The following PTK2 variants were observed in gnomAD, a reference collection of about 807,000 sequenced individuals.
PTK2 encodes the protein protein tyrosine kinase 2.
Under a neutral mutation model 150.1 loss-of-function variants are expected in PTK2, and 45 were observed. The ratio of observed to expected loss-of-function variants is 0.30; its 90% confidence interval spans 0.24 to 0.38. PTK2 has a LOEUF of 0.38. PTK2 is among the 10% of genes least tolerant of loss of function. The probability of loss-of-function intolerance (pLI) is 1.00; values close to 1 mark genes in which losing one functional copy is unlikely to be tolerated. For missense variants in PTK2, 919 were observed against 1,307.3 expected (o/e 0.70, Z 4.58); for synonymous variants, 432 against 449.2 (o/e 0.96, Z 0.48).
rs1021188147 is a variant in PTK2, at chr8:140,746,680, T to C, written c.1518+80A>G. On this transcript the variant is annotated intron_variant, in intron 18 of 31. Coordinates refer to ENST00000522684, the Ensembl canonical transcript of PTK2. ...AGAACTCTCCTGAAAATCCAAGATA[T>C]AAACTGTTTATATTTTCCTTTCTTA... 9 of 1,071,526 alleles carry C rather than the reference T, an allele frequency of 8.4e-6. No homozygotes were observed. The African/African-American group carries it at 1.5e-4, about 17-fold the overall frequency. 66.4% of individuals were successfully genotyped at this position (1,071,526 alleles called of 1,614,324 possible).
chr8:140,722,938 T>A (rs1471474806), intron 22 of PTK2, among the ~76,000 whole-genome samples: 2 of 152,194 alleles, frequency 1.3e-5, no homozygotes, highest in African/African-American at 4.8e-5. Context: ...TGGGTTCTCA[T>A]CAGGCAATGT....
intron 8 of PTK2, among the ~76,000 whole-genome samples, chr8:140,827,710 G>GT (rs1453345972): frequency 3.9e-5 from 6 of 152,106 alleles, no homozygotes; most frequent in African/African-American, 1.4e-4. Flanking sequence ...TCATATTGCT[G>GT]TTATTCATTA....
At chr8:140,708,968 C>CAAAAAAA (rs34259948) in intron 23 of PTK2, among the ~76,000 whole-genome samples, 1 of 132,508 alleles carries the variant, frequency 7.5e-6, no homozygotes, top group Non-Finnish European at 1.6e-5. Flanking sequence ...TAAATTCAGG[C>CAAAAAAA]AAAAAAAAAA....
intron 24 of PTK2, among the ~76,000 whole-genome samples, chr8:140,703,774 G>C (rs1461611900): frequency 6.6e-6 from 1 of 152,196 alleles, no homozygotes; most frequent in Non-Finnish European, 1.5e-5. Context: ...AAAATAAGAT[G>C]GGTTTCTTTA....
chr8:140,979,971 G>T (rs539864553), intron 1 of PTK2, among the ~76,000 whole-genome samples: 1 of 152,274 alleles, frequency 6.6e-6, no homozygotes, highest in South Asian at 2.1e-4. Flanking sequence ...AATACAAGGA[G>T]TCATTATATT....
chr8:140,664,494 A>T (rs745979978), intron 31 of PTK2, among the ~76,000 whole-genome samples: 20 of 152,278 alleles, frequency 1.3e-4, no homozygotes, highest in Non-Finnish European at 2.8e-4. Context: ...AAGCTCAACT[A>T]TTTTTAAGGA....
At chr8:140,712,412 G>A (rs1474728465) in intron 23 of PTK2, among the ~76,000 whole-genome samples, 1 of 152,186 alleles carries the variant, frequency 6.6e-6, no homozygotes, top group South Asian at 2.1e-4. Context: ...GAAAAGGGAG[G>A]AGTATTTTGG....
intron 4 of PTK2, among the ~76,000 whole-genome samples, chr8:140,877,860 CTA>C (rs2100146626): frequency 6.6e-6 from 1 of 152,094 alleles, no homozygotes; most frequent in Non-Finnish European, 1.5e-5. Context: ...CAACAACAAT[CTA>C]CTAAGAGATT....
chr8:140,843,603 T>G (rs1567390642), intron 7 of PTK2, among the ~76,000 whole-genome samples: 1 of 152,190 alleles, frequency 6.6e-6, no homozygotes, highest in East Asian at 1.9e-4. Context: ...CAACTAGCAC[T>G]CCTTTCTTGA....
intron 27 of PTK2, among the ~76,000 whole-genome samples, chr8:140,677,464 C>T (rs1366705305): frequency 6.6e-6 from 1 of 152,200 alleles, no homozygotes; most frequent in African/African-American, 2.4e-5. Flanking sequence ...AATAGTCTTT[C>T]TGAGGCTAAC....
chr8:140,807,692 A>G (rs1382172208), intron 10 of PTK2, among the ~76,000 whole-genome samples: 1 of 152,240 alleles, frequency 6.6e-6, no homozygotes, highest in Non-Finnish European at 1.5e-5. Flanking sequence ...AAGTCTCAAG[A>G]ATTCTTACAC....
chr8:140,831,849 C>T (rs2100115606), intron 7 of PTK2, among the ~76,000 whole-genome samples: 1 of 152,130 alleles, frequency 6.6e-6, no homozygotes, highest in Non-Finnish European at 1.5e-5. Flanking sequence ...AAAGAATCCA[C>T]ACAAGTTCCT....
chr8:140,785,184 G>A (rs1251565983), intron 14 of PTK2, among the ~76,000 whole-genome samples: 2 of 152,144 alleles, frequency 1.3e-5, no homozygotes, highest in African/African-American at 4.8e-5. Flanking sequence ...AATCCCTTGA[G>A]AGCCCCAGTG....
chr8:140,928,957 A>ATTTTTTTTT (rs34658967), intron 1 of PTK2, among the ~76,000 whole-genome samples: 5 of 92,206 alleles, frequency 5.4e-5, no homozygotes, highest in South Asian at 4.2e-4. Flanking sequence ...TTTTATCACA[A>ATTTTTTTTT]TTTTTTTTTT....
intron 5 of PTK2, among the ~76,000 whole-genome samples, chr8:140,854,703 T>C (rs1176550597): frequency 2.0e-5 from 3 of 152,154 alleles, no homozygotes; most frequent in Non-Finnish European, 4.4e-5. Flanking sequence ...AATTTTCACA[T>C]TGGTAGTTAC....
At chr8:140,722,026 A>G (rs562530552) in intron 22 of PTK2, among the ~76,000 whole-genome samples, 3 of 152,388 alleles carry the variant, frequency 2.0e-5, no homozygotes, top group African/African-American at 7.2e-5. Flanking sequence ...ACCCTGAAAC[A>G]TAATAGGAAT....
chr8:140,660,505 C>T (rs982278963), intron 31 of PTK2: 1 of 424,022 alleles, frequency 2.4e-6, no homozygotes, highest in Non-Finnish European at 4.8e-6. Context: ...AGGCTGACGG[C>T]TTGAGCTCAA....
chr8:140,770,879 A>C, intron 14 of PTK2, 80 bp from the exon 15 acceptor site: 1 of 587,542 alleles, frequency 1.7e-6, no homozygotes, highest in Admixed American at 4.1e-5. Context: ...GTTACATTTA[A>C]AGGCTTATCT....
At chr8:140,944,281 T>C (rs1439114989) in intron 1 of PTK2, among the ~76,000 whole-genome samples, 2 of 152,220 alleles carry the variant, frequency 1.3e-5, no homozygotes, top group Non-Finnish European at 2.9e-5. Flanking sequence ...TTTGCAGAAA[T>C]ACTGCATTTT....
Sources: gnomAD v4.1 joint callset for allele counts (sites outside exome capture counted in the v4.1 genomes callset) on GRCh38, gnomAD v4.1.1 for gene constraint, MANE v1.5 for transcripts, NCBI Gene and HGNC (gene_info 2026-07-23, HGNC 2026-07-21) for gene names.